The following MGAT4C variants were observed in gnomAD, a reference collection of about 807,000 sequenced individuals.
MGAT4C encodes MGAT4 family member C.
Under a neutral mutation model 40.1 loss-of-function variants are expected in MGAT4C, and 19 were observed. The ratio of observed to expected loss-of-function variants is 0.47; its 90% CI spans 0.33 to 0.70. The LOEUF (loss-of-function observed/expected upper bound fraction) is 0.70, where lower values mean the gene tolerates loss of function less well. Among genes scored for constraint, MGAT4C ranks in the 30% least tolerant of loss-of-function variants. MGAT4C has a pLI of 0.02. For missense variants in MGAT4C, 491 were observed against 563.2 expected (o/e 0.87, Z 1.30); for synonymous variants, 181 against 187.1 (o/e 0.97, Z 0.27).
chr12:86,089,990 A>G (rs1172101735), intron 1 of MGAT4C, among the ~76,000 whole-genome samples: 2 of 151,610 alleles, frequency 1.3e-5, no homozygotes, highest in Non-Finnish European at 1.5e-5. Context: ...CGGGTTTTCT[A>G]AAGTTCTATT....
intron 2 of MGAT4C, among the ~76,000 whole-genome samples, chr12:86,448,607 G>A (rs775546911): frequency 2.6e-5 from 4 of 152,078 alleles, no homozygotes; most frequent in African/African-American, 9.7e-5. Flanking sequence ...AATTAAACCT[G>A]CTGAATGGAG....
chr12:86,609,544 C>T (rs570686450), intron 2 of MGAT4C, among the ~76,000 whole-genome samples: 1 of 151,760 alleles, frequency 6.6e-6, no homozygotes, highest in African/African-American at 2.4e-5. Context: ...TGGGTTTATT[C>T]CTCAGAAGAA....
chr12:86,415,195 A>G (rs1479949097), intron 3 of MGAT4C, among the ~76,000 whole-genome samples: 3 of 152,056 alleles, frequency 2.0e-5, no homozygotes, highest in Non-Finnish European at 4.4e-5. Context: ...TTACCTCTGT[A>G]CATCAGCAAA....
chr12:85,979,693 G>A lies in MGAT4C; in HGVS notation c.1033C>T (p.Leu345=), dbSNP rs752047649. 25 of 1,613,342 alleles carry A rather than the reference G, an allele frequency of 1.5e-5. No homozygotes were observed. Among genetic ancestry groups the A allele is most frequent in the Non-Finnish European group, 1.9e-5 (22 of 1,179,758 alleles). Residue 345 remains leucine, a synonymous_variant, in exon 5 of 5, where the codon CTG becomes TTG. Transcript: ENST00000611864. The part of the protein sequence containing the change: ...FDIPDNPPAS[L]YTNMNVFENY... ...TCAAACACATTCATGTTGGTGTACA[G>A]ACTTGCAGGGGGGTTATCAGGAATG...
chr12:86,182,023 C>T (rs1394848225), intron 1 of MGAT4C, among the ~76,000 whole-genome samples: 1 of 150,500 alleles, frequency 6.6e-6, no homozygotes, highest in Non-Finnish European at 1.5e-5. Context: ...CATTGTACTA[C>T]ATTTTGCATA....
intron 1 of MGAT4C, among the ~76,000 whole-genome samples, chr12:86,190,561 G>A (rs1889271166): frequency 6.6e-6 from 1 of 151,896 alleles, no homozygotes; most frequent in African/African-American, 2.4e-5. Context: ...TTTCCTCATG[G>A]CAAATATAGT....
chr12:86,286,923 C>A (rs1566259520), intron 4 of MGAT4C, among the ~76,000 whole-genome samples: 1 of 152,104 alleles, frequency 6.6e-6, no homozygotes, highest in South Asian at 2.1e-4. Context: ...GGATCTCATT[C>A]TTTTCTGTGG....
chr12:86,774,315 C>CTTTCTTTTTCTTTCTTTCTTTCT (rs1555227766), intron 1 of MGAT4C, among the ~76,000 whole-genome samples: 2 of 59,328 alleles, frequency 3.4e-5, no homozygotes, highest in African/African-American at 1.1e-4. Context: ...TTCTTTCTTT[C>CTTTCTTTTTCTTTCTTTCTTTCT]TTTCTTTCTT....
chr12:86,390,612 T>C (rs546135546), intron 3 of MGAT4C, among the ~76,000 whole-genome samples: 4 of 152,280 alleles, frequency 2.6e-5, no homozygotes, highest in Admixed American at 2.6e-4. Flanking sequence ...TGAATCACAT[T>C]GCTGGAGAAA....
intron 2 of MGAT4C, among the ~76,000 whole-genome samples, chr12:86,449,739 T>C (rs1957393647): frequency 6.6e-6 from 1 of 152,222 alleles, no homozygotes; most frequent in African/African-American, 2.4e-5. Flanking sequence ...CAGTGTTCCA[T>C]GTAGTAGCCA....
chr12:86,246,021 T>C (rs1566214711), intron 1 of MGAT4C, among the ~76,000 whole-genome samples: 1 of 152,116 alleles, frequency 6.6e-6, no homozygotes. Flanking sequence ...TTCATATTTA[T>C]ATATTAGAGT....
intron 2 of MGAT4C, among the ~76,000 whole-genome samples, chr12:86,543,507 A>G (rs1959178386): frequency 6.6e-6 from 1 of 151,982 alleles, no homozygotes; most frequent in African/African-American, 2.4e-5. Flanking sequence ...TTTAAATAGA[A>G]GTGTTGGAAT....
intron 1 of MGAT4C, among the ~76,000 whole-genome samples, chr12:86,113,022 TAA>T (rs1877728117): frequency 1.3e-5 from 2 of 151,376 alleles, no homozygotes. Context: ...AATAAATAAA[TAA>T]AGAGACCACC....
intron 2 of MGAT4C, among the ~76,000 whole-genome samples, chr12:86,722,619 C>T (rs1950755700): frequency 6.6e-6 from 1 of 152,166 alleles, no homozygotes; most frequent in African/African-American, 2.4e-5. Flanking sequence ...GATTTATCAA[C>T]AGTCAACCAT....
intron 2 of MGAT4C, among the ~76,000 whole-genome samples, chr12:86,630,131 G>A (rs1259056502): frequency 7.2e-5 from 11 of 152,084 alleles, no homozygotes; most frequent in Admixed American, 6.6e-5. Flanking sequence ...ACACCTCTAC[G>A]CAAATAGACT....
At position 86,110,297 on chromosome 12, in the gene MGAT4C, T is replaced by TATATATATATATA. The variant is rs1355215806; in HGVS notation, c.-56-60575_-56-60574insTATATATATATAT. 0.01 allele frequency among the ~76,000 whole-genome samples: 146 copies of TATATATATATATA among 14,250 alleles called. 40 individuals carry two copies. In the East Asian group the frequency reaches 0.33, roughly 33 times the overall value. The allele number at this position is 14,250 out of a possible 152,430, so 9.3% of individuals were successfully genotyped here. A position where few individuals can be genotyped will look rare whatever the true frequency, so the allele number is the denominator to read the frequency against. On this transcript the variant is annotated intron_variant, in intron 1 of 4. Transcript: ENST00000611864. Reference sequence around the variant, plus strand: ...ATATATAGTCTATATATATATAGTCTCTCTATATATATATATATATAGTCT... The same window carrying TATATATATATATA: ...ATATATAGTCTATATATATATAGTCTATATATATATATACTCTATATATATATATATATAGTCT...
At chr12:86,828,918 A>G (rs571012811) in intron 1 of MGAT4C, among the ~76,000 whole-genome samples, 5 of 151,660 alleles carry the variant, frequency 3.3e-5, no homozygotes, top group Admixed American at 2.6e-4. Flanking sequence ...CTAAACCTGG[A>G]TTGCGGTGAT....
At chr12:86,180,636 A>G (rs1343827611) in intron 1 of MGAT4C, among the ~76,000 whole-genome samples, 1 of 152,178 alleles carries the variant, frequency 6.6e-6, no homozygotes, top group Non-Finnish European at 1.5e-5. Flanking sequence ...TTGGAGCTCT[A>G]AGATTTGACT....
At chr12:86,716,027 A>G (rs1003140275) in intron 2 of MGAT4C, among the ~76,000 whole-genome samples, 3 of 152,108 alleles carry the variant, frequency 2.0e-5, no homozygotes, top group Non-Finnish European at 2.9e-5. Flanking sequence ...TCTACTCATA[A>G]TGTAAGATGT....
Sources: allele counts gnomAD v4.1 joint callset (sites outside exome capture counted in the v4.1 genomes callset), GRCh38; gene constraint gnomAD v4.1.1; transcripts MANE v1.5; gene names NCBI Gene and HGNC (gene_info 2026-07-23, HGNC 2026-07-21).